The following PTGER4 variants were observed in gnomAD, a reference collection of about 807,000 sequenced individuals.
PTGER4 encodes prostaglandin E2 receptor EP4 subtype.
In PTGER4, 11 loss-of-function variants were observed where a neutral mutation model predicts 33.2. The observed-to-expected ratio is 0.33, with a 90% CI of 0.21 to 0.55. The LOEUF is 0.55. Ranked by LOEUF, PTGER4 falls within the 20% of genes least tolerant of loss-of-function variation. The pLI, the probability that PTGER4 is intolerant of heterozygous loss-of-function variation, is 0.92. For synonymous variants in PTGER4, 275 were observed against 281.5 expected (o/e 0.98, Z 0.23); for missense variants, 481 against 650.2 (o/e 0.74, Z 2.83).
chr5:40,736,106 G>A, the PTGER4 span, among the ~76,000 whole-genome samples: 1 of 152,170 alleles, frequency 6.6e-6, no homozygotes, highest in Non-Finnish European at 1.5e-5. Flanking sequence ...AGGCACAAGG[G>A]GATGGGGTCT....
the PTGER4 span, among the ~76,000 whole-genome samples, chr5:40,723,124 A>G: frequency 3.9e-5 from 6 of 152,166 alleles, no homozygotes; most frequent in African/African-American, 1.2e-4. Context: ...CTGTTAATCT[A>G]TAACCTTACC....
the PTGER4 span, among the ~76,000 whole-genome samples, chr5:40,708,496 T>C: frequency 1.3e-5 from 2 of 152,078 alleles, no homozygotes; most frequent in African/African-American, 2.4e-5. Flanking sequence ...AAGTTGAATC[T>C]CTGAATAGAC....
the PTGER4 span, among the ~76,000 whole-genome samples, chr5:40,724,619 C>T: frequency 7.3e-5 from 11 of 151,398 alleles, no homozygotes; most frequent in African/African-American, 2.4e-4. Context: ...GGGAACAGAG[C>T]GAGACTCCAT....
the PTGER4 span, among the ~76,000 whole-genome samples, chr5:40,706,221 C>A: frequency 2.6e-5 from 4 of 152,126 alleles, no homozygotes; most frequent in Admixed American, 6.6e-5. Context: ...CAAACTAACA[C>A]AGGAACAGAA....
At chr5:40,717,264 C>T in the PTGER4 span, among the ~76,000 whole-genome samples, 1 of 145,558 alleles carries the variant, frequency 6.9e-6, no homozygotes, top group Non-Finnish European at 1.5e-5. Flanking sequence ...CATGTATTAA[C>T]TCATCTATCC....
the PTGER4 span, among the ~76,000 whole-genome samples, chr5:40,734,677 T>G: frequency 6.6e-6 from 1 of 152,234 alleles, no homozygotes; most frequent in Non-Finnish European, 1.5e-5. Context: ...ATGAGCTATA[T>G]AGTTAACAGC....
Position 40,691,828 on chromosome 5 carries a change from T to C in PTGER4, c.917T>C (p.Val306Ala). 6.2e-7 allele frequency: 1 copy of C among 1,614,192 alleles called. No homozygotes were observed. Among genetic ancestry groups the C allele is most frequent in the Non-Finnish European group, 8.5e-7 (1 of 1,180,030 alleles). The change falls in exon 3 of 3, where the codon GTC (valine) becomes GCC (alanine). Residue 306 changes from valine (V) to alanine (A), a missense_variant. Coordinates refer to ENST00000302472, the MANE Select transcript of PTGER4 (RefSeq NM_000958.3). This position sits in a 1 kb window ranked among gnomAD's most constrained non-coding sequence, Gnocchi z 4.2. ...QLYQPSLEREVSKNPDLQAIR... is the reference protein window; with the variant it reads ...QLYQPSLEREASKNPDLQAIR... ...TATCAGCCAAGTTTGGAGCGAGAAGTCAGTAAAAATCCAGATTTGCAGGCC... is the reference window on the plus strand; with the variant it reads ...TATCAGCCAAGTTTGGAGCGAGAAGCCAGTAAAAATCCAGATTTGCAGGCC...
chr5:40,702,055 C>T, the PTGER4 span, among the ~76,000 whole-genome samples: 3 of 152,100 alleles, frequency 2.0e-5, no homozygotes, highest in Non-Finnish European at 2.9e-5. Context: ...AAGGAAAGAC[C>T]TCTAGCAGCT....
the PTGER4 span, among the ~76,000 whole-genome samples, chr5:40,723,411 A>C: frequency 3.9e-4 from 59 of 152,248 alleles, no homozygotes; most frequent in African/African-American, 1.4e-3. Flanking sequence ...TTCTCCGAGA[A>C]ACACCCAAGA....
At chr5:40,739,658 C>G in the PTGER4 span, among the ~76,000 whole-genome samples, 10 of 152,156 alleles carry the variant, frequency 6.6e-5, no homozygotes, top group Non-Finnish European at 1.5e-5. Flanking sequence ...TTCCTGAGGG[C>G]TCCCCAGAAG....
the PTGER4 span, among the ~76,000 whole-genome samples, chr5:40,729,586 T>A: frequency 1.3e-5 from 2 of 152,222 alleles, no homozygotes; most frequent in South Asian, 4.1e-4. Context: ...ACCCAATCCA[T>A]CCTCATTTTT....
At chr5:40,723,573 C>A in the PTGER4 span, among the ~76,000 whole-genome samples, 592 of 149,240 alleles carry the variant, frequency 4.0e-3, 2 homozygotes, top group Non-Finnish European at 6.3e-3. Flanking sequence ...ATCACACACA[C>A]AAAAAAGGTG....
At chr5:40,720,791 A>C in the PTGER4 span, among the ~76,000 whole-genome samples, 3 of 152,172 alleles carry the variant, frequency 2.0e-5, no homozygotes, top group Admixed American at 6.5e-5. Context: ...CTCTCACCAG[A>C]ATCCTACTCC....
intron 2 of PTGER4, among the ~76,000 whole-genome samples, chr5:40,688,297 T>G (rs45463496): frequency 6.2e-4 from 94 of 152,030 alleles, no homozygotes; most frequent in South Asian, 3.7e-3. Flanking sequence ...GTTAGGGAGG[T>G]AGTATCAGAA....
At chr5:40,715,930 A>G in the PTGER4 span, 8 of 432,634 alleles carry the variant, frequency 1.8e-5, no homozygotes, top group African/African-American at 1.6e-4. Context: ...CATTTTACTC[A>G]GAATTTTAAC....
the PTGER4 span, among the ~76,000 whole-genome samples, chr5:40,709,358 C>T: frequency 6.6e-6 from 1 of 152,166 alleles, no homozygotes; most frequent in Admixed American, 6.5e-5. Context: ...AATCAATGTG[C>T]AAAAATCACA....
the PTGER4 span, chr5:40,716,584 T>C: frequency 7.9e-4 from 659 of 836,750 alleles, 3 homozygotes; most frequent in African/African-American, 0.011. Context: ...ACATATATAC[T>C]GTACACATAC....
At chr5:40,721,410 A>G in the PTGER4 span, among the ~76,000 whole-genome samples, 1 of 152,224 alleles carries the variant, frequency 6.6e-6, no homozygotes, top group Non-Finnish European at 1.5e-5. Context: ...AGTCAGATAT[A>G]TAGACCAATG....
At chr5:40,690,471 A>G (rs1375943352) in intron 2 of PTGER4, among the ~76,000 whole-genome samples, 3 of 152,362 alleles carry the variant, frequency 2.0e-5, no homozygotes, top group East Asian at 1.9e-4. Context: ...ATATCATTTC[A>G]TTCTTCCATG....
Sources: allele counts gnomAD v4.1 joint callset (sites outside exome capture counted in the v4.1 genomes callset), GRCh38; gene constraint gnomAD v4.1.1; non-coding constraint Gnocchi (gnomAD v3.1); transcripts MANE v1.5; gene names NCBI Gene and HGNC (gene_info 2026-07-23, HGNC 2026-07-21).